Variants in TAOK1 observed in about 807,000 individuals in gnomAD.
TAOK1 encodes the protein TAO kinase 1.
In TAOK1, 21 loss-of-function variants were observed where a neutral mutation model predicts 138.3. The ratio of observed to expected loss-of-function variants is 0.15; its 90% CI spans 0.11 to 0.22. The LOEUF (loss-of-function observed/expected upper bound fraction) is 0.22, where lower values mean the gene tolerates loss of function less well. Among genes scored for constraint, TAOK1 ranks in the 10% least tolerant of loss-of-function variants. The pLI, the probability that TAOK1 is intolerant of heterozygous loss-of-function variation, is 1.00. For missense variants in TAOK1, 651 were observed against 1,227.7 expected, an observed-to-expected ratio of 0.53 and a Z score of 7.02; for synonymous variants, 361 against 398.4, an observed-to-expected ratio of 0.91 and a Z score of 1.12.
Position 29,508,214 on chromosome 17 carries a change from C to T in TAOK1, c.1575+82C>T, listed in dbSNP as rs546488397. ...AACCAACATGGCAGTTTGATGTTAGCGTATCTGTTCCCGTGAACCAAGCAA... is the reference window on the plus strand; with the variant it reads ...AACCAACATGGCAGTTTGATGTTAGTGTATCTGTTCCCGTGAACCAAGCAA... On this transcript the variant is annotated intron_variant, in intron 14 of 19. Coordinates refer to ENST00000261716, the MANE Select transcript of TAOK1 (RefSeq NM_020791.4). The T allele has an allele frequency of 1.1e-4, 139 of 1,224,948 alleles. No individual in the cohort carries two copies. The African/African-American group carries it at 1.8e-3, about 16-fold the overall frequency. The allele number at this position is 1,224,948 out of a possible 1,614,324, so 75.9% of individuals were successfully genotyped here.
intron 3 of TAOK1, among the ~76,000 whole-genome samples, chr17:29,473,008 GCTAGGTACA>G (rs2030862037): frequency 6.6e-6 from 1 of 152,150 alleles, no homozygotes; most frequent in South Asian, 2.1e-4. Flanking sequence ...TTCTTGGGTG[GCTAGGTACA>G]CGGGCAAAGA....
intron 1 of TAOK1, among the ~76,000 whole-genome samples, chr17:29,417,080 C>T (rs1905283157): frequency 6.6e-6 from 1 of 152,004 alleles, no homozygotes; most frequent in Admixed American, 6.6e-5. Flanking sequence ...GTGGCACTTT[C>T]TCGGCTCACT....
chr17:29,394,150 G>GGT (rs1904513941), intron 1 of TAOK1, among the ~76,000 whole-genome samples: 1 of 48,246 alleles, frequency 2.1e-5, no homozygotes, highest in Non-Finnish European at 3.6e-5. Context: ...TAATTTGCCA[G>GGT]TTTTTTTTTT....
chr17:29,462,594 A>G (rs577527106), intron 2 of TAOK1, among the ~76,000 whole-genome samples: 1 of 152,294 alleles, frequency 6.6e-6, no homozygotes, highest in Middle Eastern at 3.4e-3. Context: ...GATTTTACTA[A>G]TCTGTGCTCC....
intron 1 of TAOK1, among the ~76,000 whole-genome samples, chr17:29,419,724 G>A (rs1469539031): frequency 6.6e-6 from 1 of 151,658 alleles, no homozygotes; most frequent in East Asian, 1.9e-4. Context: ...GAACTCCTGA[G>A]CTCAAGCGAT....
chr17:29,457,567 G>A (rs960330371), intron 2 of TAOK1, among the ~76,000 whole-genome samples: 13 of 147,898 alleles, frequency 8.8e-5, no homozygotes, highest in African/African-American at 1.3e-4. Context: ...CACCATGCCC[G>A]GCTAATTTTT....
In TAOK1 at chr17:29,465,837, C is replaced by CTTTTTTTTTTTTTTTTTTTTTTTTTTT. The variant is rs3058623; in HGVS notation, c.133-1307_133-1281dup. 1.5e-4 allele frequency among the ~76,000 whole-genome samples: 7 copies of CTTTTTTTTTTTTTTTTTTTTTTTTTTT among 45,432 alleles called. 2 individuals carry two copies. The highest frequency in any genetic ancestry group is 5.7e-4 in the African/African-American group (5 of 8,708). The allele number at this position is 45,432 out of a possible 152,430, so 29.8% of individuals were successfully genotyped here. A position where few individuals can be genotyped will look rare whatever the true frequency, so the allele number is the denominator to read the frequency against. ...AAGAGTTAACTGTCAAGTTTCTGTG[C>CTTTTTTTTTTTTTTTTTTTTTTTTTTT]TTTTTTTTTTTTTTTTTTTTTTTTT... On this transcript the variant is annotated intron_variant, in intron 2 of 19. Coordinates refer to ENST00000261716, the MANE Select transcript of TAOK1 (RefSeq NM_020791.4).
At chr17:29,508,209 G>C (rs1261476313) in intron 14 of TAOK1, 77 bp downstream of exon 14, 1 of 1,280,204 alleles carries the variant, frequency 7.8e-7, no homozygotes, top group Admixed American at 1.7e-5. Flanking sequence ...GCAGTTTGAT[G>C]TTAGCGTATC....
At chr17:29,509,702 T>C (rs1459418121) in intron 14 of TAOK1, among the ~76,000 whole-genome samples, 1 of 150,460 alleles carries the variant, frequency 6.6e-6, no homozygotes, top group African/African-American at 2.4e-5. Flanking sequence ...AAGACCAGCC[T>C]GGGCAACATG....
At chr17:29,412,872 T>C (rs1249408373) in intron 1 of TAOK1, among the ~76,000 whole-genome samples, 2 of 152,186 alleles carry the variant, frequency 1.3e-5, no homozygotes, top group African/African-American at 4.8e-5. Flanking sequence ...GCTGAACCCA[T>C]GGGAATTGCT....
intron 3 of TAOK1, among the ~76,000 whole-genome samples, chr17:29,469,150 G>A (rs1261254873): frequency 1.1e-4 from 17 of 151,998 alleles, no homozygotes; most frequent in Admixed American, 1.1e-3. Context: ...GGGAGGCCGA[G>A]GTGGGTGGAT....
At chr17:29,475,801 T>G in intron 4 of TAOK1, 30 bp downstream of exon 4, 1 of 1,547,550 alleles carries the variant, frequency 6.5e-7, no homozygotes, top group Non-Finnish European at 8.9e-7. Flanking sequence ...TTGTTGCAGT[T>G]TTAGCTGATT....
At chr17:29,403,317 G>A (rs1369162708) in intron 1 of TAOK1, among the ~76,000 whole-genome samples, 3 of 152,014 alleles carry the variant, frequency 2.0e-5, no homozygotes, top group Admixed American at 2.0e-4. Flanking sequence ...TATTCCCATT[G>A]AGGCTGAGAA....
chr17:29,505,634 G>A (rs913694910), intron 13 of TAOK1, among the ~76,000 whole-genome samples: 1 of 151,994 alleles, frequency 6.6e-6, no homozygotes, highest in African/African-American at 2.4e-5. Context: ...CCTGAGAGGC[G>A]GAGGTTGCAG....
chr17:29,503,638 G>A (rs1017522729), intron 13 of TAOK1, among the ~76,000 whole-genome samples: 8 of 152,118 alleles, frequency 5.3e-5, no homozygotes, highest in African/African-American at 1.9e-4. Flanking sequence ...AGGATACAAC[G>A]AAATTACATT....
chr17:29,509,910 C>A (rs938378298), intron 14 of TAOK1, among the ~76,000 whole-genome samples: 1 of 151,190 alleles, frequency 6.6e-6, no homozygotes, highest in Non-Finnish European at 1.5e-5. Context: ...TTGAGACAGG[C>A]ACTCGCCCTG....
At chr17:29,419,299 C>T (rs1161228051) in intron 1 of TAOK1, among the ~76,000 whole-genome samples, 4 of 151,866 alleles carry the variant, frequency 2.6e-5, no homozygotes, top group Admixed American at 2.6e-4. Flanking sequence ...TGGGTTCAAG[C>T]GATTCTCCTG....
At chr17:29,492,010 A>G in intron 10 of TAOK1, 145 bp downstream of exon 10, 1 of 583,354 alleles carries the variant, frequency 1.7e-6, no homozygotes, top group Non-Finnish European at 3.0e-6. Flanking sequence ...TCAGCCTCCC[A>G]AGTAGCCGGG....
chr17:29,438,214 A>G (rs1019492490), intron 1 of TAOK1, among the ~76,000 whole-genome samples: 3 of 152,120 alleles, frequency 2.0e-5, no homozygotes, highest in African/African-American at 7.2e-5. Flanking sequence ...TATTTTTCGA[A>G]TGTTCCAATA....
Sources: allele counts gnomAD v4.1 joint callset (sites outside exome capture counted in the v4.1 genomes callset), GRCh38; gene constraint gnomAD v4.1.1; transcripts MANE v1.5; gene names NCBI Gene and HGNC (gene_info 2026-07-23, HGNC 2026-07-21).